Variants in PDZRN3 observed in about 807,000 individuals in gnomAD.
PDZRN3 encodes the protein PDZ domain containing ring finger 3.
A neutral mutation model predicts 85.7 loss-of-function variants in PDZRN3; 38 were observed. The ratio of observed to expected loss-of-function variants is 0.44; its 90% CI spans 0.34 to 0.58. The LOEUF (loss-of-function observed/expected upper bound fraction) is 0.58, where lower values mean the gene tolerates loss of function less well. Among genes scored for constraint, PDZRN3 ranks in the 20% least tolerant of loss-of-function variants. The pLI, the probability that PDZRN3 is intolerant of heterozygous loss-of-function variation, is 0.01. For synonymous variants in PDZRN3, 759 were observed against 638.0 expected, an observed-to-expected ratio of 1.19 and a Z score of -2.86; for missense variants, 1,629 against 1,506.4, an observed-to-expected ratio of 1.08 and a Z score of -1.35.
intron 3 of PDZRN3, among the ~76,000 whole-genome samples, chr3:73,423,704 T>C (rs1338197259): frequency 6.6e-6 from 1 of 152,236 alleles, no homozygotes; most frequent in South Asian, 2.1e-4. Flanking sequence ...AAAAGTGGCT[T>C]TTTGTACTTT....
chr3:73,437,707 C>T (rs1702557306), intron 3 of PDZRN3, among the ~76,000 whole-genome samples: 1 of 152,076 alleles, frequency 6.6e-6, no homozygotes, highest in African/African-American at 2.4e-5. Flanking sequence ...ACAAGACATA[C>T]CAAAGTGATT....
chr3:73,408,284 G>A (rs775264354), intron 3 of PDZRN3: 1 of 697,782 alleles, frequency 1.4e-6, no homozygotes, highest in South Asian at 1.5e-5. Flanking sequence ...ATAGCATCAT[G>A]CTTTTTAGGG....
rs112003285 is a variant in PDZRN3 at position 73,437,165 on chromosome 3, T to C, written c.919-32770A>G. On this transcript the variant is annotated intron_variant, in intron 3 of 9. Transcript: ENST00000263666. ...AATTTTAAATTTATTCATTAATTCA[T>C]TTTAAAATAGCAATAACAAACCCAT... Among the ~76,000 whole-genome samples, 310 of 152,228 alleles carry C rather than the reference T, an allele frequency of 2.0e-3. 1 individual carries two copies. Among genetic ancestry groups the C allele is most frequent in the African/African-American group, 7.2e-3 (301 of 41,562 alleles).
intron 3 of PDZRN3, among the ~76,000 whole-genome samples, chr3:73,563,013 A>ATATATATATTTTTT (rs1187151191): frequency 2.3e-5 from 1 of 43,780 alleles, no homozygotes; most frequent in African/African-American, 1.0e-4. Context: ...ATATATATAT[A>ATATATATATTTTTT]TTTTTTTTTT....
intron 3 of PDZRN3, among the ~76,000 whole-genome samples, chr3:73,539,670 C>T (rs561785387): frequency 2.0e-5 from 3 of 152,184 alleles, no homozygotes; most frequent in South Asian, 4.2e-4. Flanking sequence ...AGCTAGGACA[C>T]GAGCAAGTCC....
At chr3:73,414,958 G>A (rs1168006884) in intron 3 of PDZRN3, among the ~76,000 whole-genome samples, 1 of 152,148 alleles carries the variant, frequency 6.6e-6, no homozygotes, top group Non-Finnish European at 1.5e-5. Context: ...TAACACTTCC[G>A]CGTTATTTTC....
intron 6 of PDZRN3, 74 bp from the exon 7 acceptor site, chr3:73,389,952 T>G (rs1284981271): frequency 1.7e-5 from 18 of 1,048,446 alleles, no homozygotes; most frequent in Non-Finnish European, 2.5e-5. Flanking sequence ...TTCAAAACCA[T>G]TTCTAAAACA....
chr3:73,411,680 G>A (rs1049607962), intron 3 of PDZRN3, among the ~76,000 whole-genome samples: 1 of 151,226 alleles, frequency 6.6e-6, no homozygotes, highest in African/African-American at 2.5e-5. Flanking sequence ...GGGCTGCTGG[G>A]TGACTCAGCT....
At chr3:73,522,891 T>A (rs1704404306) in intron 3 of PDZRN3, among the ~76,000 whole-genome samples, 2 of 152,254 alleles carry the variant, frequency 1.3e-5, no homozygotes, top group African/African-American at 2.4e-5. Flanking sequence ...AGGACATAAT[T>A]GCTAACTATG....
In PDZRN3 at chr3:73,458,853, G is replaced by A. The variant is rs376954358; in HGVS notation, c.919-54458C>T. 2.4e-4 allele frequency among the ~76,000 whole-genome samples: 36 copies of A among 151,836 alleles called. No homozygotes were observed. In the East Asian group the frequency reaches 3.7e-3, roughly 16 times the overall value. On this transcript the variant is annotated intron_variant, in intron 3 of 9. Coordinates refer to ENST00000263666, the MANE Select transcript of PDZRN3 (RefSeq NM_015009.3). ...AAAAATATAACAAAATTAACCAGGCGTAGTGGCACACGCCTGTAGCCCCAG... is the reference window on the plus strand; with the variant it reads ...AAAAATATAACAAAATTAACCAGGCATAGTGGCACACGCCTGTAGCCCCAG...
intron 3 of PDZRN3, among the ~76,000 whole-genome samples, chr3:73,505,076 T>A (rs1366081948): frequency 6.6e-6 from 1 of 152,240 alleles, no homozygotes; most frequent in Non-Finnish European, 1.5e-5. Context: ...ATCCCGTTCC[T>A]AGTCTAAGAT....
At chr3:73,578,313 C>T (rs926435933) in intron 3 of PDZRN3, among the ~76,000 whole-genome samples, 8 of 152,002 alleles carry the variant, frequency 5.3e-5, no homozygotes, top group East Asian at 1.9e-4. Flanking sequence ...GGACTACAGG[C>T]GCCTGCCACC....
intron 4 of PDZRN3, 22 bp downstream of exon 4, chr3:73,404,126 G>C (rs1025398073): frequency 1.7e-5 from 28 of 1,606,896 alleles, no homozygotes; most frequent in African/African-American, 9.4e-5. Flanking sequence ...ATGCATTAGG[G>C]GTTCAAGATT....
chr3:73,419,902 G>A (rs1023330209), intron 3 of PDZRN3, among the ~76,000 whole-genome samples: 1 of 152,142 alleles, frequency 6.6e-6, no homozygotes, highest in Non-Finnish European at 1.5e-5. Flanking sequence ...AGTTTGGAGG[G>A]GGATGTGGTT....
At chr3:73,598,020 ATAT>A (rs557067886) in intron 3 of PDZRN3, among the ~76,000 whole-genome samples, 114 of 152,272 alleles carry the variant, frequency 7.5e-4, no homozygotes, top group Non-Finnish European at 1.0e-3. Flanking sequence ...TTTGAGGGTA[ATAT>A]TGATCTTATG....
intron 6 of PDZRN3, 83 bp from the exon 7 acceptor site, chr3:73,389,961 C>T: frequency 1.0e-6 from 1 of 957,012 alleles, no homozygotes; most frequent in Non-Finnish European, 1.7e-6. Context: ...ATTTCTAAAA[C>T]ACAGTCATGC....
chr3:73,404,605 T>C, intron 3 of PDZRN3: 2 of 512,052 alleles, frequency 3.9e-6, no homozygotes, highest in Non-Finnish European at 6.8e-6. Flanking sequence ...TGGCATGCAA[T>C]AATAAATCTC....
At chr3:73,471,971 A>T (rs1326189471) in intron 3 of PDZRN3, among the ~76,000 whole-genome samples, 1 of 152,058 alleles carries the variant, frequency 6.6e-6, no homozygotes, top group East Asian at 1.9e-4. Context: ...GGGATAAGTT[A>T]GTGGGCTACG....
intron 3 of PDZRN3, among the ~76,000 whole-genome samples, chr3:73,468,019 T>G (rs1198062583): frequency 3.3e-5 from 5 of 152,244 alleles, no homozygotes; most frequent in East Asian, 3.9e-4. Context: ...TCCTGGAGAT[T>G]GGTCACACAA....
Sources: gnomAD v4.1 joint callset for allele counts (sites outside exome capture counted in the v4.1 genomes callset) on GRCh38, gnomAD v4.1.1 for gene constraint, MANE v1.5 for transcripts, NCBI Gene and HGNC (gene_info 2026-07-23, HGNC 2026-07-21) for gene names.